GALNT13: variants seen among roughly 807,000 people sequenced by gnomAD.
GALNT13 encodes the protein UDP-GalNAc:polypeptide N-acetylgalactosaminyltransferase 13.
A neutral mutation model predicts 64.2 loss-of-function variants in GALNT13; 28 were observed. The ratio of observed to expected loss-of-function variants is 0.44; its 90% CI spans 0.32 to 0.60. The LOEUF (loss-of-function observed/expected upper bound fraction) is 0.60, where lower values mean the gene tolerates loss of function less well. Ranked by LOEUF, GALNT13 falls within the 20% of genes least tolerant of loss-of-function variation. The pLI, the probability that GALNT13 is intolerant of heterozygous loss-of-function variation, is 0.05. For synonymous variants in GALNT13, 214 were observed against 224.6 expected, an observed-to-expected ratio of 0.95 and a Z score of 0.42; for missense variants, 577 against 669.8, an observed-to-expected ratio of 0.86 and a Z score of 1.53.
chr2:153,101,550 G>A, the GALNT13 span, among the ~76,000 whole-genome samples: 1 of 152,146 alleles, frequency 6.6e-6, no homozygotes, highest in Admixed American at 6.6e-5. Flanking sequence ...GTAATGCACT[G>A]CATTCTAGTC....
At chr2:153,871,635 C>G (rs1036334793), upstream of GALNT13, among the ~76,000 whole-genome samples, 1 of 152,174 alleles carries the variant, frequency 6.6e-6, no homozygotes, top group African/African-American at 2.4e-5. Context: ...GGAGCTGACC[C>G]CAGGGTTGCT....
intron 3 of GALNT13, among the ~76,000 whole-genome samples, chr2:153,945,984 T>C (rs780037216): frequency 4.6e-5 from 7 of 152,176 alleles, no homozygotes; most frequent in Non-Finnish European, 1.0e-4. Flanking sequence ...TATGCCTTTA[T>C]ACTTCAGTTA....
chr2:154,176,059 G>T (rs546819064), intron 4 of GALNT13, among the ~76,000 whole-genome samples: 128 of 152,002 alleles, frequency 8.4e-4, no homozygotes, highest in African/African-American at 3.0e-3. Flanking sequence ...TCTCTGAGAG[G>T]CAGAAGTGAT....
chr2:154,288,480 G>A (rs1158500530), intron 8 of GALNT13, among the ~76,000 whole-genome samples: 4 of 152,200 alleles, frequency 2.6e-5, no homozygotes, highest in Admixed American at 2.6e-4. Flanking sequence ...AAAGTCCACA[G>A]TCCAAAGTCT....
intron 3 of GALNT13, among the ~76,000 whole-genome samples, chr2:154,089,479 A>G (rs1218125840): frequency 6.6e-6 from 1 of 152,070 alleles, no homozygotes. Flanking sequence ...GGGGTCAGAC[A>G]AAGGAATAAA....
intron 3 of GALNT13, among the ~76,000 whole-genome samples, chr2:154,115,129 C>G (rs1273080130): frequency 6.6e-6 from 1 of 152,160 alleles, no homozygotes; most frequent in African/African-American, 2.4e-5. Flanking sequence ...TCTAAAGTGA[C>G]TAACCCACTT....
the GALNT13 span, among the ~76,000 whole-genome samples, chr2:153,549,447 T>C: frequency 6.6e-6 from 1 of 152,210 alleles, no homozygotes; most frequent in African/African-American, 2.4e-5. Context: ...CTTATTTCCT[T>C]TCTCCTTGAA....
the GALNT13 span, among the ~76,000 whole-genome samples, chr2:153,662,659 T>G: frequency 6.6e-6 from 1 of 152,214 alleles, no homozygotes; most frequent in Non-Finnish European, 1.5e-5. Context: ...CTTGTTTACT[T>G]TGTCCAGTTT....
intron 11 of GALNT13, among the ~76,000 whole-genome samples, chr2:154,429,558 A>T (rs1451587706): frequency 1.3e-5 from 2 of 152,236 alleles, no homozygotes; most frequent in East Asian, 1.9e-4. Flanking sequence ...GAAAGATAAC[A>T]TAAAAGGGCA....
chr2:153,703,403 T>C, the GALNT13 span, among the ~76,000 whole-genome samples: 829 of 152,292 alleles, frequency 5.4e-3, 2 homozygotes, highest in Non-Finnish European at 8.8e-3. Flanking sequence ...TCAGGTTCTT[T>C]CCCATTTCTA....
intron 9 of GALNT13, among the ~76,000 whole-genome samples, chr2:154,362,543 C>A (rs1280463228): frequency 6.6e-6 from 1 of 151,782 alleles, no homozygotes; most frequent in Non-Finnish European, 1.5e-5. Context: ...CCCAGTCTTT[C>A]TAGTCAAAGT....
chr2:153,863,908 T>C, the GALNT13 span, among the ~76,000 whole-genome samples: 3 of 152,176 alleles, frequency 2.0e-5, no homozygotes, highest in Non-Finnish European at 4.4e-5. Flanking sequence ...AATTGCTTCT[T>C]ACATTGATTC....
intron 3 of GALNT13, among the ~76,000 whole-genome samples, chr2:154,014,922 G>A (rs964281728): frequency 1.3e-5 from 2 of 152,006 alleles, no homozygotes; most frequent in Non-Finnish European, 2.9e-5. Flanking sequence ...GTGAGCCACC[G>A]CGCCCAGCCT....
chr2:153,685,952 G>T, the GALNT13 span, among the ~76,000 whole-genome samples: 71,830 of 151,786 alleles, frequency 0.47, 18,514 homozygotes, highest in Middle Eastern at 0.61. Flanking sequence ...CAGACAGTTA[G>T]AAGTGTGCGG....
chr2:154,398,330 G>A (rs1009903593), intron 10 of GALNT13, among the ~76,000 whole-genome samples: 10 of 152,192 alleles, frequency 6.6e-5, no homozygotes, highest in African/African-American at 2.4e-4. Context: ...CCACCAAGGT[G>A]ACTCCTGAGA....
At chr2:154,069,278 A>G (rs929180338) in intron 3 of GALNT13, among the ~76,000 whole-genome samples, 2 of 152,004 alleles carry the variant, frequency 1.3e-5, no homozygotes, top group Admixed American at 1.3e-4. Context: ...TACAGAAAGA[A>G]GAGAAGAGTT....
At chr2:154,251,466 G>A (rs897703538) in intron 7 of GALNT13, among the ~76,000 whole-genome samples, 1 of 152,002 alleles carries the variant, frequency 6.6e-6, no homozygotes, top group African/African-American at 2.4e-5. Context: ...GGGTTCTTTG[G>A]CAGCAAAACA....
the GALNT13 span, among the ~76,000 whole-genome samples, chr2:153,167,714 G>T: frequency 6.6e-6 from 1 of 152,130 alleles, no homozygotes; most frequent in Non-Finnish European, 1.5e-5. Context: ...CTTGAGATTA[G>T]GTTACAGAGC....
chr2:154,441,049 G>A lies in GALNT13; in HGVS notation c.1530+2323G>A, dbSNP rs76041156. Among the ~76,000 whole-genome samples, 461 of 152,132 alleles carry A rather than the reference G, an allele frequency of 3.0e-3. 4 individuals are homozygous for A. The highest frequency in any genetic ancestry group is 0.011 in the African/African-American group (438 of 41,526). On this transcript the variant is annotated intron_variant, in intron 12 of 12. Coordinates refer to ENST00000392825, the MANE Select transcript of GALNT13 (RefSeq NM_052917.4). ...GGAACTTGTTAGAAATGCAGGATCC[G>A]AACCCATGCTAAACACACTGAATCC...
Sources: gnomAD v4.1 joint callset for allele counts (sites outside exome capture counted in the v4.1 genomes callset) on GRCh38, gnomAD v4.1.1 for gene constraint, MANE v1.5 for transcripts, NCBI Gene and HGNC (gene_info 2026-07-23, HGNC 2026-07-21) for gene names.